CRPPA: variants seen among roughly 807,000 people sequenced by gnomAD.
CRPPA encodes D-ribitol-5-phosphate cytidylyltransferase.
In CRPPA, 43 loss-of-function variants were observed where a neutral mutation model predicts 52.0. The ratio of observed to expected loss-of-function variants is 0.83; its 90% CI spans 0.65 to 1.07. The LOEUF (loss-of-function observed/expected upper bound fraction) is 1.07. CRPPA is among the 50% of genes least tolerant of loss of function. CRPPA has a pLI of 0.00. For synonymous variants in CRPPA, 250 were observed against 203.5 expected (o/e 1.23, Z -1.94); for missense variants, 629 against 551.7 (o/e 1.14, Z -1.40).
At chr7:16,211,572 T>C (rs957655137) in intron 9 of CRPPA, among the ~76,000 whole-genome samples, 6 of 152,174 alleles carry the variant, frequency 3.9e-5, no homozygotes, top group African/African-American at 1.4e-4. Context: ...TCACCCATGA[T>C]TACCATAAAA....
At chr7:16,284,003 T>C (rs976424857) in intron 5 of CRPPA, among the ~76,000 whole-genome samples, 1 of 152,096 alleles carries the variant, frequency 6.6e-6, no homozygotes, top group African/African-American at 2.4e-5. Flanking sequence ...ATTGATACTT[T>C]GGCAGCACTT....
At chr7:16,154,671 C>T (rs770749034) in intron 9 of CRPPA, among the ~76,000 whole-genome samples, 3 of 152,072 alleles carry the variant, frequency 2.0e-5, no homozygotes, top group Non-Finnish European at 2.9e-5. Flanking sequence ...TTGATCTTGT[C>T]TTGTTCTTGA....
intron 3 of CRPPA, among the ~76,000 whole-genome samples, chr7:16,345,266 A>G (rs373936437): frequency 6.6e-5 from 10 of 152,306 alleles, no homozygotes; most frequent in African/African-American, 2.2e-4. Context: ...TAATCCTTCA[A>G]ATTTGAAGTA....
chr7:16,387,256 A>G (rs1474149788), intron 2 of CRPPA, among the ~76,000 whole-genome samples: 7 of 151,352 alleles, frequency 4.6e-5, no homozygotes, highest in Admixed American at 4.6e-4. Context: ...TCTTACATAG[A>G]TATAATATGC....
intron 3 of CRPPA, among the ~76,000 whole-genome samples, chr7:16,334,143 C>T (rs912840972): frequency 6.6e-6 from 1 of 152,110 alleles, no homozygotes; most frequent in African/African-American, 2.4e-5. Context: ...TGGCACCACA[C>T]CAGATAAACT....
At chr7:16,405,480 CA>C (rs985882701) in intron 2 of CRPPA, among the ~76,000 whole-genome samples, 37 of 151,932 alleles carry the variant, frequency 2.4e-4, no homozygotes, top group Non-Finnish European at 3.8e-4. Flanking sequence ...ATTTAGACTG[CA>C]AAAAAGTTTA....
intron 9 of CRPPA, among the ~76,000 whole-genome samples, chr7:16,166,362 C>T (rs1381700643): frequency 6.6e-6 from 1 of 152,092 alleles, no homozygotes; most frequent in Non-Finnish European, 1.5e-5. Flanking sequence ...TCACTGCAAC[C>T]TCTGTCTTCC....
chr7:16,213,917 G>T (rs1157157187), intron 9 of CRPPA, among the ~76,000 whole-genome samples: 2 of 152,136 alleles, frequency 1.3e-5, no homozygotes, highest in African/African-American at 4.8e-5. Flanking sequence ...AACAAATTGT[G>T]AAAGCAAGCT....
intron 6 of CRPPA, 47 bp from the exon 7 acceptor site, chr7:16,259,059 C>T: frequency 4.7e-6 from 6 of 1,280,460 alleles, no homozygotes; most frequent in Non-Finnish European, 6.7e-6. Flanking sequence ...ATAGACCAAA[C>T]ATAAACATCT....
At chr7:16,342,828 G>GATATATAGATATAC (rs1785907618) in intron 3 of CRPPA, among the ~76,000 whole-genome samples, 1 of 132,510 alleles carries the variant, frequency 7.5e-6, no homozygotes, top group African/African-American at 3.1e-5. Context: ...TACATATATA[G>GATATATAGATATAC]ATATATAGAT....
intron 8 of CRPPA, among the ~76,000 whole-genome samples, chr7:16,237,665 A>C (rs1782988524): frequency 6.6e-6 from 1 of 152,154 alleles, no homozygotes; most frequent in African/African-American, 2.4e-5. Flanking sequence ...TGCTTATTTT[A>C]ATCTACTTTC....
At chr7:16,381,378 T>G (rs1160610267) in intron 2 of CRPPA, among the ~76,000 whole-genome samples, 1 of 152,092 alleles carries the variant, frequency 6.6e-6, no homozygotes, top group East Asian at 1.9e-4. Context: ...ATTTCTGTTC[T>G]TTTACATTTG....
chr7:16,286,314 T>A (rs185964125), intron 5 of CRPPA, among the ~76,000 whole-genome samples: 382 of 139,164 alleles, frequency 2.7e-3, no homozygotes, highest in Non-Finnish European at 4.6e-3. Context: ...GTAAGCCTCA[T>A]CCAATCAAAT....
At chr7:16,313,454 C>A (rs1785078930) in intron 3 of CRPPA, among the ~76,000 whole-genome samples, 1 of 151,734 alleles carries the variant, frequency 6.6e-6, no homozygotes, top group Non-Finnish European at 1.5e-5. Flanking sequence ...TCTTTCTTAG[C>A]CTGGCTGATT....
In CRPPA at chr7:16,092,707, T is replaced by C. The variant is rs1324818656; in HGVS notation, c.1252-908A>G. Among the ~76,000 whole-genome samples the C allele has an allele frequency of 3.3e-5, 5 of 152,328 alleles. No individual in the cohort carries two copies. In the South Asian group the frequency reaches 6.2e-4, roughly 19 times the overall value. On this transcript the variant is annotated intron_variant, in intron 9 of 9. Transcript: ENST00000407010. Reference sequence around the variant, plus strand: ...AAGTCAAAATACTTATTTTAAAATATAGATCTGATCACATCAGTATCCTGA... The same window carrying C: ...AAGTCAAAATACTTATTTTAAAATACAGATCTGATCACATCAGTATCCTGA...
chr7:16,408,378 G>A (rs972261423), intron 1 of CRPPA, among the ~76,000 whole-genome samples: 1 of 152,176 alleles, frequency 6.6e-6, no homozygotes, highest in African/African-American at 2.4e-5. Context: ...TAGGAGAGAA[G>A]GAGAGAGGAC....
intron 8 of CRPPA, among the ~76,000 whole-genome samples, chr7:16,239,715 G>T (rs1337635487): frequency 2.0e-5 from 3 of 152,036 alleles, no homozygotes; most frequent in Admixed American, 6.6e-5. Context: ...TTTGCCTCCT[G>T]TGCATTTCAT....
At chr7:16,178,170 C>A (rs1291248411) in intron 9 of CRPPA, among the ~76,000 whole-genome samples, 1 of 151,948 alleles carries the variant, frequency 6.6e-6, no homozygotes, top group African/African-American at 2.4e-5. Context: ...GTTCTGGATG[C>A]TGAATTTACA....
chr7:16,173,776 T>C (rs996551357), intron 9 of CRPPA, among the ~76,000 whole-genome samples: 6 of 152,082 alleles, frequency 3.9e-5, no homozygotes, highest in Admixed American at 2.0e-4. Flanking sequence ...GAACAGAGAA[T>C]AGATTGAGAT....
Sources: gnomAD v4.1 joint callset for allele counts (sites outside exome capture counted in the v4.1 genomes callset) on GRCh38, gnomAD v4.1.1 for gene constraint, MANE v1.5 for transcripts, NCBI Gene and HGNC (gene_info 2026-07-23, HGNC 2026-07-21) for gene names.